AGAP1: variants seen among roughly 807,000 people sequenced by gnomAD.
AGAP1 encodes ArfGAP with GTPase domain, ankyrin repeat and PH domain 1.
Under a neutral mutation model 105.3 loss-of-function variants are expected in AGAP1, and 29 were observed. The ratio of observed to expected loss-of-function variants is 0.28; its 90% CI spans 0.21 to 0.38. AGAP1 has a LOEUF of 0.38. AGAP1 is among the 10% of genes least tolerant of loss of function. AGAP1 has a pLI of 1.00. For synonymous variants in AGAP1, 509 were observed against 485.9 expected (o/e 1.05, Z -0.63); for missense variants, 998 against 1,165.1 (o/e 0.86, Z 2.09).
intron 16 of AGAP1, among the ~76,000 whole-genome samples, chr2:236,067,114 T>A (rs2058366508): frequency 1.4e-5 from 1 of 69,022 alleles, no homozygotes; most frequent in South Asian, 3.6e-4. Context: ...GGGTTCAGAG[T>A]TCCAACTCAG....
intron 16 of AGAP1, among the ~76,000 whole-genome samples, chr2:236,052,915 A>G (rs932549451): frequency 1.1e-4 from 16 of 152,176 alleles, no homozygotes; most frequent in Admixed American, 3.9e-4. Flanking sequence ...CACTTAAAAT[A>G]TCGATTTTAA....
At chr2:236,063,958 A>G (rs568395921) in intron 16 of AGAP1, among the ~76,000 whole-genome samples, 65 of 152,236 alleles carry the variant, frequency 4.3e-4, no homozygotes, top group Non-Finnish European at 5.6e-4. Context: ...GTGATCTAAT[A>G]CAAATGACCC....
chr2:235,570,003 G>A (rs1247951822), intron 1 of AGAP1, among the ~76,000 whole-genome samples: 5 of 152,288 alleles, frequency 3.3e-5, no homozygotes, highest in East Asian at 3.9e-4. Flanking sequence ...AGCGCCTGTC[G>A]TCTTTGTTAA....
At chr2:236,122,625 C>G (rs2059925990) in intron 17 of AGAP1, among the ~76,000 whole-genome samples, 1 of 151,754 alleles carries the variant, frequency 6.6e-6, no homozygotes, top group South Asian at 2.1e-4. Context: ...ATCACAGATC[C>G]TAAGAAAGAT....
intron 6 of AGAP1, among the ~76,000 whole-genome samples, chr2:235,794,198 G>T (rs1957134299): frequency 6.6e-6 from 1 of 152,138 alleles, no homozygotes; most frequent in Non-Finnish European, 1.5e-5. Context: ...TTGCACAGTT[G>T]AAGGGGCTAG....
At chr2:235,950,457 A>G (rs1575860768) in intron 12 of AGAP1, among the ~76,000 whole-genome samples, 1 of 151,640 alleles carries the variant, frequency 6.6e-6, no homozygotes, top group Admixed American at 6.6e-5. Context: ...TTGCAGGAGG[A>G]GCAAAGGGAT....
chr2:236,046,056 G>A lies in AGAP1; in HGVS notation c.1892-3003G>A, dbSNP rs1395790798. 4.3e-6 allele frequency: 2 copies of A among 469,798 alleles called. No individual in the cohort carries two copies. Among genetic ancestry groups the A allele is most frequent in the Non-Finnish European group, 8.9e-6 (2 of 225,882 alleles). The allele number at this position is 469,798 out of a possible 1,614,324, so 29.1% of individuals were successfully genotyped here. On this transcript the variant is annotated intron_variant, in intron 15 of 17. Coordinates refer to ENST00000304032, the MANE Select transcript of AGAP1 (RefSeq NM_001037131.3). The surrounding 1 kb of genome is among the most constrained non-coding windows in gnomAD (Gnocchi z 5.2). Reference sequence around the variant, plus strand: ...GGTAGGAGGGGGTGCACCACGGTCTGAACGAGGGGCCAGCATGAGTGGCTT... The same window carrying A: ...GGTAGGAGGGGGTGCACCACGGTCTAAACGAGGGGCCAGCATGAGTGGCTT...
At chr2:235,514,166 A>G (rs75451647) in intron 1 of AGAP1, among the ~76,000 whole-genome samples, 68,820 of 130,118 alleles carry the variant, frequency 0.53, 16,299 homozygotes, top group Admixed American at 0.6. Context: ...GCGCGCGCAC[A>G]CACACACACA....
chr2:235,969,024 T>C (rs998608486), intron 13 of AGAP1, among the ~76,000 whole-genome samples: 2 of 152,208 alleles, frequency 1.3e-5, no homozygotes, highest in African/African-American at 2.4e-5. Flanking sequence ...ATCTCTGATA[T>C]TGGTTACTCT....
At chr2:236,102,156 G>T (rs574073951) in intron 16 of AGAP1, among the ~76,000 whole-genome samples, 9 of 152,276 alleles carry the variant, frequency 5.9e-5, no homozygotes, top group African/African-American at 1.4e-4. Context: ...GGTGGCTCAC[G>T]CCTGTAATCC....
At chr2:235,581,728 C>T (rs374734632) in intron 1 of AGAP1, among the ~76,000 whole-genome samples, 23 of 151,964 alleles carry the variant, frequency 1.5e-4, no homozygotes, top group African/African-American at 5.6e-4. Context: ...TTGCTTGAAC[C>T]CGGAAAGTGG....
chr2:235,529,067 C>T (rs1942952934), intron 1 of AGAP1, among the ~76,000 whole-genome samples: 1 of 152,248 alleles, frequency 6.6e-6, no homozygotes, highest in Non-Finnish European at 1.5e-5. Flanking sequence ...AGCCACAAAA[C>T]ACCACGTCCC....
chr2:235,935,951 T>TCCTGAGTA (rs1232754628), intron 12 of AGAP1, among the ~76,000 whole-genome samples: 1 of 152,162 alleles, frequency 6.6e-6, no homozygotes, highest in Non-Finnish European at 1.5e-5. Context: ...CCTGCCTGCC[T>TCCTGAGTA]CCTGAGTACC....
At position 235,802,014 on chromosome 2, in the gene AGAP1, A is replaced by G. The variant is rs78231033; in HGVS notation, c.957+2492A>G. On this transcript the variant is annotated intron_variant, in intron 8 of 17. Transcript: ENST00000304032. ...TATCCCACTGGGTACCTGACAACCC[A>G]GGTGACTTAGGGAGGAGAACACTTG... 4.9e-3 allele frequency among the ~76,000 whole-genome samples: 745 copies of G among 152,200 alleles called. 3 individuals carry two copies. The highest frequency in any genetic ancestry group is 8.6e-3 in the Non-Finnish European group (582 of 68,022).
At position 236,036,529 on chromosome 2, in the gene AGAP1, C is replaced by T; in HGVS notation, c.1646-32C>T. 6.2e-7 allele frequency: 1 copy of T among 1,610,534 alleles called. No individual in the cohort carries two copies. On this transcript the variant is annotated intron_variant, in intron 13 of 17. Coordinates refer to ENST00000304032, the MANE Select transcript of AGAP1 (RefSeq NM_001037131.3). This position sits in a 1 kb window ranked among gnomAD's most constrained non-coding sequence, Gnocchi z 5.7. ...CAGGGGGACTGCTGTCTCATAAAAGCTAAACTCTTCATCCCACACTCTGTG... is the reference window on the plus strand; with the variant it reads ...CAGGGGGACTGCTGTCTCATAAAAGTTAAACTCTTCATCCCACACTCTGTG...
At chr2:235,518,628 C>CAA (rs1942492614) in intron 1 of AGAP1, among the ~76,000 whole-genome samples, 1 of 152,120 alleles carries the variant, frequency 6.6e-6, no homozygotes, top group Non-Finnish European at 1.5e-5. Flanking sequence ...TGTTTTCTGC[C>CAA]ATAGGACAAA....
intron 16 of AGAP1, among the ~76,000 whole-genome samples, chr2:236,059,149 A>G (rs1280062814): frequency 2.6e-5 from 4 of 151,880 alleles, no homozygotes; most frequent in Non-Finnish European, 5.9e-5. Flanking sequence ...CAAAATAACA[A>G]GACCGTATCT....
At chr2:235,628,424 C>T (rs1164241150) in intron 1 of AGAP1, among the ~76,000 whole-genome samples, 2 of 152,018 alleles carry the variant, frequency 1.3e-5, no homozygotes, top group Admixed American at 6.6e-5. Context: ...CAGGCAGGGC[C>T]GGAAAGGGGA....
At chr2:235,761,058 A>T (rs1954397349) in intron 6 of AGAP1, among the ~76,000 whole-genome samples, 1 of 152,232 alleles carries the variant, frequency 6.6e-6, no homozygotes, top group Non-Finnish European at 1.5e-5. Context: ...AGTATGAAAC[A>T]TGATAGAGTG....
Sources: gnomAD v4.1 joint callset for allele counts (sites outside exome capture counted in the v4.1 genomes callset) on GRCh38, gnomAD v4.1.1 for gene constraint, Gnocchi (gnomAD v3.1) non-coding constraint, MANE v1.5 for transcripts, NCBI Gene and HGNC (gene_info 2026-07-23, HGNC 2026-07-21) for gene names.